BAZ2B: variants seen among roughly 807,000 people sequenced by gnomAD.
BAZ2B encodes the protein bromodomain adjacent to zinc finger domain protein 2B.
A neutral mutation model predicts 246.0 loss-of-function variants in BAZ2B; 91 were observed. The observed-to-expected ratio is 0.37, with a 90% CI of 0.31 to 0.44. BAZ2B has a LOEUF of 0.44. Ranked by LOEUF, BAZ2B falls within the 20% of genes least tolerant of loss-of-function variation. The probability of loss-of-function intolerance (pLI) is 1.00; values close to 1 mark genes in which losing one functional copy is unlikely to be tolerated. For missense variants in BAZ2B, 2,332 were observed against 2,533.7 expected, an observed-to-expected ratio of 0.92 and a Z score of 1.71; for synonymous variants, 855 against 860.0, an observed-to-expected ratio of 0.99 and a Z score of 0.10.
intron 36 of BAZ2B, among the ~76,000 whole-genome samples, chr2:159,323,460 T>C (rs2062996854): frequency 1.3e-5 from 2 of 152,098 alleles, no homozygotes; most frequent in African/African-American, 4.8e-5. Flanking sequence ...TTGGCCATGT[T>C]AGTTATAAAT....
intron 27 of BAZ2B, among the ~76,000 whole-genome samples, chr2:159,353,953 G>C (rs1192444972): frequency 6.6e-6 from 1 of 152,072 alleles, no homozygotes; most frequent in Non-Finnish European, 1.5e-5. Flanking sequence ...CACCCAACAA[G>C]GTAAAATTCA....
the BAZ2B span, chr2:159,710,580 CAG>C: frequency 1.3e-5 from 2 of 152,162 alleles, no homozygotes; most frequent in African/African-American, 4.8e-5. Context: ...ATACTAAAAT[CAG>C]AGAGAGTACA....
intron 16 of BAZ2B, among the ~76,000 whole-genome samples, chr2:159,403,963 C>G (rs1004764107): frequency 6.6e-6 from 1 of 152,104 alleles, no homozygotes; most frequent in East Asian, 1.9e-4. Flanking sequence ...AATCCCAACT[C>G]TATATCAACT....
intron 3 of BAZ2B, among the ~76,000 whole-genome samples, chr2:159,455,650 G>C (rs1327723335): frequency 6.6e-6 from 1 of 151,738 alleles, no homozygotes; most frequent in Non-Finnish European, 1.5e-5. Context: ...TATCAGAGTG[G>C]ACTGCATTAG....
At chr2:159,539,371 C>T (rs1005353969) in intron 2 of BAZ2B, among the ~76,000 whole-genome samples, 12 of 152,288 alleles carry the variant, frequency 7.9e-5, no homozygotes, top group Non-Finnish European at 4.4e-5. Context: ...TTAAATATGC[C>T]AGCAAGGGCA....
At chr2:159,708,107 T>C in the BAZ2B span, among the ~76,000 whole-genome samples, 1 of 152,100 alleles carries the variant, frequency 6.6e-6, no homozygotes, top group Non-Finnish European at 1.5e-5. Context: ...GGCTTGGAGT[T>C]TGGGACCAGC....
intron 31 of BAZ2B, among the ~76,000 whole-genome samples, chr2:159,340,672 C>T (rs911694122): frequency 1.3e-5 from 2 of 151,462 alleles, no homozygotes; most frequent in African/African-American, 2.4e-5. Context: ...AGAAAGCCTT[C>T]AGAAATGAAG....
intron 4 of BAZ2B, among the ~76,000 whole-genome samples, chr2:159,452,913 A>C (rs1440368704): frequency 6.6e-6 from 1 of 152,180 alleles, no homozygotes; most frequent in Non-Finnish European, 1.5e-5. Context: ...CAGCCTGGCC[A>C]ACATGGCGAA....
intron 3 of BAZ2B, 137 bp downstream of exon 3, chr2:159,478,438 A>G (rs2078872099): frequency 1.1e-6 from 1 of 869,612 alleles, no homozygotes; most frequent in Admixed American, 3.1e-5. Context: ...AAAAGCAAAA[A>G]GACTAGGTGT....
chr2:159,357,128 G>C (rs1439768270), intron 27 of BAZ2B, among the ~76,000 whole-genome samples: 3 of 152,082 alleles, frequency 2.0e-5, no homozygotes, highest in African/African-American at 4.8e-5. Context: ...GAATGAGTTT[G>C]ACGAATTGAC....
chr2:159,375,720 A>G (rs2061343946), intron 25 of BAZ2B, among the ~76,000 whole-genome samples: 1 of 152,224 alleles, frequency 6.6e-6, no homozygotes, highest in African/African-American at 2.4e-5. Context: ...AATGGATGTA[A>G]GAGATATCAC....
chr2:159,385,910 A>G (rs528239481), intron 22 of BAZ2B, among the ~76,000 whole-genome samples: 23 of 152,272 alleles, frequency 1.5e-4, no homozygotes, highest in Admixed American at 2.6e-4. Context: ...AATTAAGATA[A>G]ACATGAACTT....
chr2:159,588,990 A>G (rs1244313841), intron 1 of BAZ2B, among the ~76,000 whole-genome samples: 5 of 152,230 alleles, frequency 3.3e-5, no homozygotes, highest in Non-Finnish European at 1.5e-5. Context: ...TATGGCATCT[A>G]AAGTCTACAT....
chr2:159,623,269 T>A, the BAZ2B span, among the ~76,000 whole-genome samples: 1 of 150,902 alleles, frequency 6.6e-6, no homozygotes, highest in Non-Finnish European at 1.5e-5. Context: ...ACTTGGGAGG[T>A]TAACATAAGA....
chr2:159,669,956 T>C, the BAZ2B span, among the ~76,000 whole-genome samples: 1 of 151,962 alleles, frequency 6.6e-6, no homozygotes, highest in African/African-American at 2.4e-5. Context: ...TTGCAGTAGT[T>C]CCTGTTGCTC....
Position 159,444,805 on chromosome 2 carries a change from ACT to A in BAZ2B, c.696+1975_696+1976del, listed in dbSNP as rs376091384. 2.7e-4 allele frequency: 41 copies of A among 152,620 alleles called. No individual in the cohort carries two copies. In the East Asian group the frequency reaches 6.4e-3, roughly 24 times the overall value. 9.5% of individuals were successfully genotyped at this position (152,620 alleles called of 1,614,324 possible). A position where few individuals can be genotyped will look rare whatever the true frequency, so the allele number is the denominator to read the frequency against. On this transcript the variant is annotated intron_variant, in intron 6 of 36. Coordinates refer to ENST00000392783, the MANE Select transcript of BAZ2B (RefSeq NM_013450.4). Reference sequence around the variant, plus strand: ...ATGTGTGTAGGATCACAAACTTTTGACTCTCTTCCACTGGAAAACCAGGCCCT... The same window carrying A: ...ATGTGTGTAGGATCACAAACTTTTGACTCTTCCACTGGAAAACCAGGCCCT...
intron 2 of BAZ2B, among the ~76,000 whole-genome samples, chr2:159,547,861 A>G (rs1024530466): frequency 6.6e-6 from 1 of 152,196 alleles, no homozygotes; most frequent in African/African-American, 2.4e-5. Context: ...AAATCAAGGG[A>G]TTGTGTAACA....
downstream of BAZ2B, among the ~76,000 whole-genome samples, chr2:159,317,212 T>G (rs1316504855): frequency 1.3e-5 from 2 of 152,144 alleles, no homozygotes; most frequent in Non-Finnish European, 2.9e-5. Context: ...AGGATGTGTT[T>G]AAAGGGAGAA....
At chr2:159,573,581 A>C (rs1029596213) in intron 1 of BAZ2B, among the ~76,000 whole-genome samples, 3 of 152,228 alleles carry the variant, frequency 2.0e-5, no homozygotes, top group African/African-American at 7.2e-5. Flanking sequence ...TAAAGGCGTA[A>C]ATCTTCTTGA....
Sources: allele counts gnomAD v4.1 joint callset (sites outside exome capture counted in the v4.1 genomes callset), GRCh38; gene constraint gnomAD v4.1.1; transcripts MANE v1.5; gene names NCBI Gene and HGNC (gene_info 2026-07-23, HGNC 2026-07-21).